The following AFF3 variants were observed in gnomAD, a reference collection of about 807,000 sequenced individuals.
The protein encoded by AFF3 is AF4/FMR2 family member 3.
A neutral mutation model predicts 129.7 loss-of-function variants in AFF3; 32 were observed. The ratio of observed to expected loss-of-function variants is 0.25; its 90% CI spans 0.19 to 0.33. The LOEUF (loss-of-function observed/expected upper bound fraction) is 0.33, where lower values mean the gene tolerates loss of function less well. AFF3 is among the 10% of genes least tolerant of loss of function. The pLI is 1.00. For synonymous variants in AFF3, 644 were observed against 635.4 expected, an observed-to-expected ratio of 1.01 and a Z score of -0.20; for missense variants, 1,373 against 1,592.0, an observed-to-expected ratio of 0.86 and a Z score of 2.34.
chr2:99,932,527 C>T (rs1674123383), intron 7 of AFF3, among the ~76,000 whole-genome samples: 1 of 152,178 alleles, frequency 6.6e-6, no homozygotes, highest in African/African-American at 2.4e-5. Flanking sequence ...CCCCACACTA[C>T]ATCGACCACT....
At chr2:99,626,089 G>A (rs1369371521) in intron 13 of AFF3, among the ~76,000 whole-genome samples, 2 of 152,196 alleles carry the variant, frequency 1.3e-5, no homozygotes, top group African/African-American at 4.8e-5. Flanking sequence ...ATCGGAAGCT[G>A]CTGCGTTTGG....
At chr2:99,972,355 C>T (rs1678471069) in intron 7 of AFF3, among the ~76,000 whole-genome samples, 1 of 152,244 alleles carries the variant, frequency 6.6e-6, no homozygotes, top group Non-Finnish European at 1.5e-5. Context: ...ACAGCTGCTA[C>T]AGTTGGTCAA....
intron 4 of AFF3, among the ~76,000 whole-genome samples, chr2:100,053,177 T>C (rs1686489141): frequency 1.3e-5 from 2 of 152,218 alleles, no homozygotes; most frequent in Non-Finnish European, 1.5e-5. Context: ...GTTGAAAAAT[T>C]ATGTTTTACT....
chr2:100,104,724 C>CGCCGCCG (rs1303453285), intron 3 of AFF3: 2 of 946,410 alleles, frequency 2.1e-6, no homozygotes, highest in African/African-American at 3.8e-5. Context: ...CTCGCCGCGC[C>CGCCGCCG]GCCGCCGCCC....
intron 4 of AFF3, among the ~76,000 whole-genome samples, chr2:100,056,022 C>T (rs1001939097): frequency 6.6e-6 from 1 of 150,570 alleles, no homozygotes; most frequent in Non-Finnish European, 1.5e-5. Context: ...CAGAGTAAGA[C>T]CCTGTCACTT....
intron 7 of AFF3, among the ~76,000 whole-genome samples, chr2:99,913,471 T>C (rs1260065893): frequency 6.6e-6 from 1 of 152,212 alleles, no homozygotes; most frequent in African/African-American, 2.4e-5. Flanking sequence ...TAATAGATGA[T>C]CAATACTGAA....
chr2:99,703,480 C>T (rs757450885), intron 11 of AFF3, among the ~76,000 whole-genome samples: 21 of 152,020 alleles, frequency 1.4e-4, no homozygotes, highest in Non-Finnish European at 1.9e-4. Flanking sequence ...TATGAATGTC[C>T]GATTGTTTCA....
At chr2:99,919,523 T>G (rs185372017) in intron 7 of AFF3, among the ~76,000 whole-genome samples, 59 of 152,272 alleles carry the variant, frequency 3.9e-4, no homozygotes, top group Non-Finnish European at 7.6e-4. Flanking sequence ...ATTCTGTTCA[T>G]TTTTAGAAAA....
chr2:99,750,724 C>T (rs537433283), intron 9 of AFF3, among the ~76,000 whole-genome samples: 1 of 152,202 alleles, frequency 6.6e-6, no homozygotes, highest in South Asian at 2.1e-4. Flanking sequence ...GCCAAAAGTA[C>T]TCTTGAAACA....
At chr2:100,028,853 T>G (rs1684256218) in intron 4 of AFF3, among the ~76,000 whole-genome samples, 1 of 152,168 alleles carries the variant, frequency 6.6e-6, no homozygotes, top group Non-Finnish European at 1.5e-5. Context: ...CAAAACAGCA[T>G]GGGAGGTTCC....
rs779038332 is a variant in AFF3, at chr2:99,554,336, G to A, written c.3534C>T (p.Ala1178=). Residue 1178 remains alanine (A), a synonymous_variant, in exon 24 of 25, where the codon GCC becomes GCT. Coordinates refer to ENST00000672756, the MANE Select transcript of AFF3 (RefSeq NM_001386135.1). ...ILHSYDYWEM[A]DNLAKENREF... ...CTCGGTTTTCCTTGGCCAGGTTGTC[G>A]GCCATCTCCCAGTAGTCGTAGCTGT... The A allele has an allele frequency of 1.4e-5, 22 of 1,614,050 alleles. No individual in the cohort carries two copies. Among genetic ancestry groups the A allele is most frequent in the Middle Eastern group, 1.6e-4 (1 of 6,082 alleles).
intron 4 of AFF3, among the ~76,000 whole-genome samples, chr2:100,015,100 G>A (rs1324838455): frequency 6.6e-6 from 1 of 151,708 alleles, no homozygotes; most frequent in Non-Finnish European, 1.5e-5. Context: ...CACTGTGCCT[G>A]GCCCACCTTA....
chr2:99,886,758 G>C (rs1693144289), intron 7 of AFF3, among the ~76,000 whole-genome samples: 1 of 152,126 alleles, frequency 6.6e-6, no homozygotes, highest in South Asian at 2.1e-4. Context: ...AACTGCTGCA[G>C]AAAAAATTCC....
intron 7 of AFF3, among the ~76,000 whole-genome samples, chr2:99,967,381 C>T (rs1386048320): frequency 6.6e-6 from 1 of 152,044 alleles, no homozygotes; most frequent in Non-Finnish European, 1.5e-5. Flanking sequence ...GCTTCCAATG[C>T]CTGCCTGACT....
In AFF3 at chr2:99,771,071, C is replaced by T. The variant is rs373829088; in HGVS notation, c.922-18770G>A. ...TGTACATATATACCACAGAATACTA[C>T]GCAACCATAAAAAGGAACAAGATCA... On this transcript the variant is annotated intron_variant, in intron 8 of 24. Transcript: ENST00000672756. Among the ~76,000 whole-genome samples the T allele has an allele frequency of 2.0e-4, 30 of 152,218 alleles. No individual in the cohort carries two copies. The South Asian group carries it at 4.4e-3, about 22-fold the overall frequency.
intron 4 of AFF3, among the ~76,000 whole-genome samples, chr2:100,014,224 G>GT (rs1482751497): frequency 6.6e-6 from 1 of 151,998 alleles, no homozygotes; most frequent in Non-Finnish European, 1.5e-5. Flanking sequence ...TCATCAAAAT[G>GT]TTTTATTCTT....
intron 2 of AFF3, chr2:100,110,099 C>T (rs1376196293): frequency 6.6e-6 from 1 of 152,202 alleles, no homozygotes; most frequent in Admixed American, 6.5e-5. Flanking sequence ...TCTTCCTTTG[C>T]AACATGAGAA....
At chr2:99,806,506 A>G (rs1686362604) in intron 8 of AFF3, among the ~76,000 whole-genome samples, 1 of 152,210 alleles carries the variant, frequency 6.6e-6, no homozygotes, top group South Asian at 2.1e-4. Flanking sequence ...GCGATGCACC[A>G]GGAATCTCGC....
chr2:99,984,341 T>C lies in AFF3; in HGVS notation c.873+22291A>G, dbSNP rs370530498. Among the ~76,000 whole-genome samples, 292 of 152,308 alleles carry C rather than the reference T, an allele frequency of 1.9e-3. 4 individuals carry two copies. The highest frequency in any genetic ancestry group is 6.8e-3 in the African/African-American group (282 of 41,576). On this transcript the variant is annotated intron_variant, in intron 7 of 24. Coordinates refer to ENST00000672756, the MANE Select transcript of AFF3 (RefSeq NM_001386135.1). ...AAATCCAGTCCTGAGTAGAAAATTA[T>C]AACAGTGAAAGAGATCACTTTCACT... is the stretch of plus-strand genomic sequence containing the variant.
Sources: gnomAD v4.1 joint callset for allele counts (sites outside exome capture counted in the v4.1 genomes callset) on GRCh38, gnomAD v4.1.1 for gene constraint, MANE v1.5 for transcripts, NCBI Gene and HGNC (gene_info 2026-07-23, HGNC 2026-07-21) for gene names.